TMEM108: variants seen among roughly 807,000 people sequenced by gnomAD.
The protein encoded by TMEM108 is cancer/testis antigen 124.
A neutral mutation model predicts 35.1 loss-of-function variants in TMEM108; 12 were observed. The ratio of observed to expected loss-of-function variants is 0.34; its 90% CI spans 0.22 to 0.55. TMEM108 has a LOEUF of 0.55. Among genes scored for constraint, TMEM108 ranks in the 20% least tolerant of loss-of-function variants. The pLI is 0.89. For missense variants in TMEM108, 680 were observed against 753.3 expected (o/e 0.90, Z 1.14); for synonymous variants, 287 against 308.6 (o/e 0.93, Z 0.73).
intron 3 of TMEM108, among the ~76,000 whole-genome samples, chr3:133,288,921 A>T (rs1947023326): frequency 6.6e-6 from 1 of 152,074 alleles, no homozygotes; most frequent in African/African-American, 2.4e-5. Context: ...TTTTTAGTAG[A>T]GATGGGGTTT....
chr3:133,062,205 A>C (rs1337776673), intron 2 of TMEM108, among the ~76,000 whole-genome samples: 1 of 152,236 alleles, frequency 6.6e-6, no homozygotes, highest in Non-Finnish European at 1.5e-5. Context: ...CTTTAGCAGC[A>C]TCATATTAGT....
intron 2 of TMEM108, among the ~76,000 whole-genome samples, chr3:133,066,122 T>A (rs1305947416): frequency 6.6e-6 from 1 of 152,108 alleles, no homozygotes; most frequent in Non-Finnish European, 1.5e-5. Context: ...TTCCCATTGG[T>A]CTAAGTAATT....
intron 1 of TMEM108, among the ~76,000 whole-genome samples, chr3:133,040,205 T>TG (rs1491492804): frequency 2.5e-5 from 3 of 122,300 alleles, no homozygotes; most frequent in African/African-American, 8.5e-5. Context: ...TTTGTTTGTT[T>TG]GTTTTTTTTT....
chr3:133,138,624 G>A (rs1944598372), intron 2 of TMEM108, among the ~76,000 whole-genome samples: 1 of 152,110 alleles, frequency 6.6e-6, no homozygotes. Context: ...CCTGCCAAAG[G>A]TTGAGGAAGT....
chr3:133,067,358 T>C (rs1384597293), intron 2 of TMEM108, among the ~76,000 whole-genome samples: 1 of 152,200 alleles, frequency 6.6e-6, no homozygotes, highest in African/African-American at 2.4e-5. Flanking sequence ...AAGGTATTGC[T>C]AGGCCAGAAG....
At chr3:133,240,216 T>A (rs1303804466) in intron 3 of TMEM108, among the ~76,000 whole-genome samples, 1 of 152,182 alleles carries the variant, frequency 6.6e-6, no homozygotes. Context: ...AATAGATCTC[T>A]TTACTTCTGA....
intron 2 of TMEM108, among the ~76,000 whole-genome samples, chr3:133,165,677 CT>C (rs1434677260): frequency 6.6e-6 from 1 of 152,296 alleles, no homozygotes; most frequent in East Asian, 1.9e-4. Context: ...ATCCCGCAGG[CT>C]GAGAAGCCTG....
At chr3:133,076,333 T>C (rs140777045) in intron 2 of TMEM108, among the ~76,000 whole-genome samples, 5 of 151,302 alleles carry the variant, frequency 3.3e-5, no homozygotes, top group African/African-American at 1.2e-4. Context: ...GAGTCAAGGA[T>C]GCCACTGCCT....
intron 2 of TMEM108, among the ~76,000 whole-genome samples, chr3:133,047,816 C>T (rs951300254): frequency 4.6e-5 from 7 of 152,118 alleles, no homozygotes; most frequent in African/African-American, 1.7e-4. Context: ...ACATAAATAG[C>T]TAAATAGTCT....
At chr3:133,266,996 C>T (rs1258987600) in intron 3 of TMEM108, among the ~76,000 whole-genome samples, 3 of 148,728 alleles carry the variant, frequency 2.0e-5, no homozygotes, top group Non-Finnish European at 3.0e-5. Context: ...AGGAGAATGG[C>T]GTGAACCCAG....
At chr3:133,386,485 T>C in intron 4 of TMEM108, 1 of 1,535,958 alleles carries the variant, frequency 6.5e-7, no homozygotes, top group Non-Finnish European at 8.7e-7. Flanking sequence ...CAGGGCTCCA[T>C]CTGAAAATGG....
chr3:133,121,165 G>A (rs961203025), intron 2 of TMEM108, among the ~76,000 whole-genome samples: 4 of 152,204 alleles, frequency 2.6e-5, no homozygotes, highest in Admixed American at 6.5e-5. Flanking sequence ...TCAGAAACAA[G>A]CTGCCTTTCT....
At chr3:133,065,849 A>T (rs1325936408) in intron 2 of TMEM108, among the ~76,000 whole-genome samples, 2 of 152,154 alleles carry the variant, frequency 1.3e-5, no homozygotes, top group African/African-American at 4.8e-5. Context: ...TTTTCAGTAT[A>T]ATCGTTGGGT....
intron 2 of TMEM108, among the ~76,000 whole-genome samples, chr3:133,055,264 T>C (rs546006455): frequency 2.0e-5 from 3 of 152,254 alleles, no homozygotes; most frequent in Non-Finnish European, 2.9e-5. Context: ...ATTTTAACTT[T>C]AAAGAAGCAT....
chr3:133,293,069 C>T (rs1329566200), intron 3 of TMEM108, among the ~76,000 whole-genome samples: 3 of 152,072 alleles, frequency 2.0e-5, no homozygotes, highest in Non-Finnish European at 2.9e-5. Context: ...CAGAATTGTG[C>T]ATAATTTAAC....
intron 2 of TMEM108, among the ~76,000 whole-genome samples, chr3:133,127,128 C>G (rs536902253): frequency 7.5e-4 from 114 of 152,254 alleles, no homozygotes; most frequent in African/African-American, 2.6e-3. Context: ...AATACTTGAT[C>G]TGTACTTAGA....
chr3:133,342,456 A>G (rs2071684657), intron 3 of TMEM108, among the ~76,000 whole-genome samples: 1 of 149,268 alleles, frequency 6.7e-6, no homozygotes, highest in Non-Finnish European at 1.5e-5. Context: ...GCATGTCTGT[A>G]TCAAAATATC....
At chr3:133,121,061 TGAA>T (rs1445968226) in intron 2 of TMEM108, 2 of 152,242 alleles carry the variant, frequency 1.3e-5, no homozygotes, top group African/African-American at 4.8e-5. Context: ...GTGAAACAGA[TGAA>T]GGTGAGTCTC....
At chr3:133,340,952 TATC>T (rs1261577786) in intron 3 of TMEM108, among the ~76,000 whole-genome samples, 2 of 151,764 alleles carry the variant, frequency 1.3e-5, no homozygotes, top group Non-Finnish European at 3.0e-5. Context: ...CAATCACTAG[TATC>T]ATACTGAATG....
Sources: gnomAD v4.1 joint callset for allele counts (sites outside exome capture counted in the v4.1 genomes callset) on GRCh38, gnomAD v4.1.1 for gene constraint, MANE v1.5 for transcripts, NCBI Gene and HGNC (gene_info 2026-07-23, HGNC 2026-07-21) for gene names.